DRC11: variants seen among roughly 807,000 people sequenced by gnomAD.
DRC11 encodes the protein IQ and AAA domain-containing protein 1.
chr2:236,396,062 C>T, the DRC11 span, among the ~76,000 whole-genome samples: 11 of 152,006 alleles, frequency 7.2e-5, no homozygotes, highest in East Asian at 1.9e-4. Flanking sequence ...CCCTCTAGAT[C>T]GTTTAAATGG....
At chr2:236,493,761 T>C in the DRC11 span, 31 of 1,584,314 alleles carry the variant, frequency 2.0e-5, no homozygotes, top group East Asian at 4.7e-4. Flanking sequence ...TAAAATGATA[T>C]ACAAACCATG....
chr2:236,465,469 A>G, the DRC11 span: 5 of 1,563,874 alleles, frequency 3.2e-6, no homozygotes, highest in East Asian at 1.1e-4. The surrounding 1 kb of genome is among the most constrained non-coding windows in gnomAD (Gnocchi z 6.2). Flanking sequence ...CCACTAAAGA[A>G]CAGACTGGAT....
At chr2:236,452,383 G>A in the DRC11 span, among the ~76,000 whole-genome samples, 49 of 152,138 alleles carry the variant, frequency 3.2e-4, no homozygotes, top group Non-Finnish European at 5.7e-4. This position sits in a 1 kb window ranked among gnomAD's most constrained non-coding sequence, Gnocchi z 4.7. Context: ...GTTTCATCAA[G>A]TATGAAAAAT....
the DRC11 span, among the ~76,000 whole-genome samples, chr2:236,317,490 C>T: frequency 2.6e-5 from 4 of 152,242 alleles, 1 homozygote; most frequent in Admixed American, 2.6e-4. The surrounding 1 kb of genome is among the most constrained non-coding windows in gnomAD (Gnocchi z 5.4). Context: ...CTTCCATGTA[C>T]ATAAAGTTCA....
the DRC11 span, among the ~76,000 whole-genome samples, chr2:236,386,368 A>C: frequency 1.3e-5 from 2 of 152,058 alleles, no homozygotes; most frequent in Non-Finnish European, 2.9e-5. Flanking sequence ...CAGAGATTCA[A>C]CTTCTTCCTG....
the DRC11 span, among the ~76,000 whole-genome samples, chr2:236,325,917 A>G: frequency 1.3e-5 from 2 of 152,268 alleles, no homozygotes; most frequent in South Asian, 2.1e-4. This position sits in a 1 kb window ranked among gnomAD's most constrained non-coding sequence, Gnocchi z 4.4. Context: ...ATGTCTTAAA[A>G]TGTCTCTTTT....
At chr2:236,485,961 C>T in the DRC11 span, among the ~76,000 whole-genome samples, 6 of 152,226 alleles carry the variant, frequency 3.9e-5, no homozygotes, top group Admixed American at 2.0e-4. Flanking sequence ...CATGTAATAC[C>T]TTCCCCTTGA....
chr2:236,328,739 G>A, the DRC11 span, among the ~76,000 whole-genome samples: 1 of 152,050 alleles, frequency 6.6e-6, no homozygotes, highest in East Asian at 1.9e-4. The surrounding 1 kb of genome is among the most constrained non-coding windows in gnomAD (Gnocchi z 6.7). Context: ...CTAATTTATC[G>A]AGACCCCGTA....
the DRC11 span, among the ~76,000 whole-genome samples, chr2:236,462,476 AG>A: frequency 6.6e-6 from 1 of 152,170 alleles, no homozygotes; most frequent in African/African-American, 2.4e-5. This position sits in a 1 kb window ranked among gnomAD's most constrained non-coding sequence, Gnocchi z 6.4. Context: ...GTTTGAGACC[AG>A]TCTGGCCAAC....
the DRC11 span, among the ~76,000 whole-genome samples, chr2:236,317,263 TC>T: frequency 6.6e-6 from 1 of 150,758 alleles, no homozygotes; most frequent in African/African-American, 2.5e-5. This position sits in a 1 kb window ranked among gnomAD's most constrained non-coding sequence, Gnocchi z 5.4. Context: ...GCCACTGCAC[TC>T]CTGCCTGGCG....
the DRC11 span, among the ~76,000 whole-genome samples, chr2:236,385,131 C>T: frequency 1.3e-5 from 2 of 151,976 alleles, no homozygotes; most frequent in African/African-American, 4.8e-5. Flanking sequence ...TTAGGATTGA[C>T]TTGGCGACGC....
At chr2:236,359,671 C>T in the DRC11 span, among the ~76,000 whole-genome samples, 4 of 152,326 alleles carry the variant, frequency 2.6e-5, no homozygotes, top group South Asian at 6.2e-4. The surrounding 1 kb of genome is among the most constrained non-coding windows in gnomAD (Gnocchi z 4.3). Context: ...CCTCCAGCTT[C>T]CTGCCGTCAA....
At chr2:236,459,472 G>T in the DRC11 span, among the ~76,000 whole-genome samples, 6 of 142,678 alleles carry the variant, frequency 4.2e-5, no homozygotes, top group Non-Finnish European at 7.7e-5. Context: ...TCCTAAAACT[G>T]TAATTAAAAA....
chr2:236,498,372 G>C, the DRC11 span, among the ~76,000 whole-genome samples: 1 of 151,872 alleles, frequency 6.6e-6, no homozygotes, highest in South Asian at 2.1e-4. Flanking sequence ...GGCTGAGGCA[G>C]GGGAATCACT....
At chr2:236,449,145 C>T in the DRC11 span, among the ~76,000 whole-genome samples, 3 of 142,210 alleles carry the variant, frequency 2.1e-5, no homozygotes, top group Non-Finnish European at 4.4e-5. The surrounding 1 kb of genome is among the most constrained non-coding windows in gnomAD (Gnocchi z 5.1). Context: ...CAGGCATGAG[C>T]CACTACACCC....
chr2:236,405,132 T>C, the DRC11 span, among the ~76,000 whole-genome samples: 3 of 152,178 alleles, frequency 2.0e-5, no homozygotes, highest in Non-Finnish European at 4.4e-5. The surrounding 1 kb of genome is among the most constrained non-coding windows in gnomAD (Gnocchi z 4.6). Context: ...ATTCAGACCA[T>C]GGCACCCAAC....
At chr2:236,500,884 G>C in the DRC11 span, among the ~76,000 whole-genome samples, 2 of 152,108 alleles carry the variant, frequency 1.3e-5, no homozygotes, top group Admixed American at 1.3e-4. This position sits in a 1 kb window ranked among gnomAD's most constrained non-coding sequence, Gnocchi z 6.3. Flanking sequence ...TTTTAGTAGA[G>C]ACAGAGTTTC....
the DRC11 span, among the ~76,000 whole-genome samples, chr2:236,319,644 C>T: frequency 1.9e-4 from 29 of 152,250 alleles, no homozygotes; most frequent in African/African-American, 2.6e-4. This position sits in a 1 kb window ranked among gnomAD's most constrained non-coding sequence, Gnocchi z 6.7. Context: ...CAAAGCTCAA[C>T]GTGAGAAACT....
chr2:236,427,993 T>C, the DRC11 span, among the ~76,000 whole-genome samples: 5 of 152,290 alleles, frequency 3.3e-5, no homozygotes, highest in Middle Eastern at 3.4e-3. The surrounding 1 kb of genome is among the most constrained non-coding windows in gnomAD (Gnocchi z 5.9). Context: ...CTTTGATCCA[T>C]TGGTTGTTTA....
Sources: gnomAD v4.1 joint callset for allele counts (sites outside exome capture counted in the v4.1 genomes callset) on GRCh38, gnomAD v4.1.1 for gene constraint, Gnocchi (gnomAD v3.1) non-coding constraint, MANE v1.5 for transcripts, NCBI Gene and HGNC (gene_info 2026-07-23, HGNC 2026-07-21) for gene names.